The following SMG6 variants were observed in gnomAD, a reference collection of about 807,000 sequenced individuals.
SMG6 encodes the protein telomerase-binding protein EST1A.
A neutral mutation model predicts 142.2 loss-of-function variants in SMG6; 66 were observed. That is an observed-to-expected ratio of 0.46 (90% CI 0.38 to 0.57). The LOEUF (loss-of-function observed/expected upper bound fraction) is 0.57, where lower values mean the gene tolerates loss of function less well. Ranked by LOEUF, SMG6 falls within the 20% of genes least tolerant of loss-of-function variation. The probability of loss-of-function intolerance (pLI) is 0.00; values close to 1 mark genes in which losing one functional copy is unlikely to be tolerated. For synonymous variants in SMG6, 779 were observed against 702.4 expected, an observed-to-expected ratio of 1.11 and a Z score of -1.72; for missense variants, 1,793 against 1,832.0, an observed-to-expected ratio of 0.98 and a Z score of 0.39.
intron 12 of SMG6, among the ~76,000 whole-genome samples, chr17:2,182,198 T>C (rs1424229555): frequency 6.6e-6 from 1 of 152,208 alleles, no homozygotes; most frequent in Non-Finnish European, 1.5e-5. Flanking sequence ...AACTGCAAAC[T>C]GCCTAGTCCT....
At chr17:2,176,461 T>A (rs2071654857) in intron 12 of SMG6, among the ~76,000 whole-genome samples, 1 of 152,186 alleles carries the variant, frequency 6.6e-6, no homozygotes, top group Admixed American at 6.5e-5. Context: ...ATGGACCCTC[T>A]AGAGTGCTGT....
At chr17:2,061,689 A>T (rs1597310745) in intron 18 of SMG6, 67 bp from the exon 19 acceptor site, 1 of 1,513,886 alleles carries the variant, frequency 6.6e-7, no homozygotes. Flanking sequence ...TGCTCTTCTC[A>T]CCCTGGAGAA....
At chr17:2,229,216 G>T (rs1055786496) in intron 10 of SMG6, 1 of 152,174 alleles carries the variant, frequency 6.6e-6, no homozygotes. Context: ...ATGAACTCCA[G>T]ACAGCCCTGA....
Position 2,299,043 on chromosome 17 carries a change from C to T in SMG6, c.1710G>A (p.Glu570=), listed in dbSNP as rs1216768614. The change falls in exon 2 of 19, where the codon GAG becomes GAA. Residue 570 remains glutamate (E), a synonymous_variant. Coordinates refer to ENST00000263073, the MANE Select transcript of SMG6 (RefSeq NM_017575.5). This position sits in a 1 kb window ranked among gnomAD's most constrained non-coding sequence, Gnocchi z 4.3. ...PTSTMSPEEV[E]QHMRNLQQQE... is the part of the protein sequence containing the mutation. The stretch of plus-strand genomic sequence containing the variant: ...GTTGCTGCAGGTTCCTCATGTGCTG[C>T]TCTACCTCCTCGGGACTCATGGTGC... 1 of 1,614,186 alleles carries T rather than the reference C, an allele frequency of 6.2e-7. No homozygotes were observed. The highest frequency in any genetic ancestry group is 2.2e-5 in the East Asian group (1 of 44,880).
Position 2,085,040 on chromosome 17 carries a change from T to C in SMG6, c.3534+685A>G, listed in dbSNP as rs1469519490. Among the ~76,000 whole-genome samples the C allele has an allele frequency of 3.3e-5, 5 of 151,718 alleles. No individual in the cohort carries two copies. The highest frequency in any genetic ancestry group is 7.4e-5 in the Non-Finnish European group (5 of 67,954). ...ACAATCACTCCCAGAAAGACACAAA[T>C]AGGCAATGGCAATATATAGGGCAGG... is the stretch of plus-strand genomic sequence containing the variant. On this transcript the variant is annotated intron_variant, in intron 14 of 18. Coordinates refer to ENST00000263073, the MANE Select transcript of SMG6 (RefSeq NM_017575.5). The surrounding 1 kb of genome is among the most constrained non-coding windows in gnomAD (Gnocchi z 4.1).
chr17:2,124,001 G>C (rs1399769405), intron 13 of SMG6, among the ~76,000 whole-genome samples: 1 of 152,202 alleles, frequency 6.6e-6, no homozygotes, highest in Non-Finnish European at 1.5e-5. Flanking sequence ...CAGCACTGAA[G>C]GCCAGACATT....
intron 13 of SMG6, among the ~76,000 whole-genome samples, chr17:2,157,627 A>C (rs1257867668): frequency 6.6e-6 from 1 of 152,192 alleles, no homozygotes; most frequent in African/African-American, 2.4e-5. Context: ...TGCCAAAACC[A>C]ATCCTGTCTA....
intron 8 of SMG6, among the ~76,000 whole-genome samples, chr17:2,256,884 A>G (rs2074193563): frequency 6.6e-6 from 1 of 151,612 alleles, no homozygotes; most frequent in Non-Finnish European, 1.5e-5. Flanking sequence ...AAGAGCATAC[A>G]CATCACTATC....
At chr17:2,130,210 A>C (rs990155407) in intron 13 of SMG6, among the ~76,000 whole-genome samples, 1 of 134,192 alleles carries the variant, frequency 7.5e-6, no homozygotes, top group Non-Finnish European at 1.5e-5. Context: ...CAGTGAGCCG[A>C]GATTGCGCCA....
chr17:2,166,904 C>A (rs982613639), intron 13 of SMG6, among the ~76,000 whole-genome samples: 1 of 152,188 alleles, frequency 6.6e-6, no homozygotes. Context: ...GCGGGCAGAT[C>A]ACCTTGAGGT....
chr17:2,293,003 G>T, intron 4 of SMG6, 26 bp from the exon 5 acceptor site: 1 of 1,521,172 alleles, frequency 6.6e-7, no homozygotes, highest in Non-Finnish European at 9.1e-7. Context: ...CCAGTTAGTA[G>T]AAAAGCCAAG....
At chr17:2,192,228 C>T (rs777905457) in intron 10 of SMG6, among the ~76,000 whole-genome samples, 5 of 152,240 alleles carry the variant, frequency 3.3e-5, no homozygotes, top group Non-Finnish European at 5.9e-5. Context: ...AGAACCACTG[C>T]TTCTGATCAA....
intron 12 of SMG6, among the ~76,000 whole-genome samples, chr17:2,185,112 T>C (rs144607926): frequency 2.9e-4 from 44 of 150,900 alleles, no homozygotes; most frequent in Admixed American, 4.6e-4. Context: ...CAAACAGGTA[T>C]AGACACAAAT....
intron 13 of SMG6, among the ~76,000 whole-genome samples, chr17:2,121,583 C>CTGTGTGTGTGTGTGTGTGTG (rs1173330822): frequency 3.4e-5 from 4 of 118,294 alleles, no homozygotes; most frequent in South Asian, 5.8e-4. Flanking sequence ...ATGTACATGT[C>CTGTGTGTGTGTGTGTGTGTG]TGTCTGTGTG....
chr17:2,199,886 A>G (rs1182910910), intron 10 of SMG6: 2 of 151,224 alleles, frequency 1.3e-5, no homozygotes, highest in African/African-American at 4.9e-5. Flanking sequence ...CAGCTTGGGT[A>G]AGAGAGCACG....
intron 10 of SMG6, among the ~76,000 whole-genome samples, chr17:2,203,285 A>G (rs563465171): frequency 6.4e-4 from 98 of 152,298 alleles, no homozygotes; most frequent in African/African-American, 2.2e-3. Flanking sequence ...AGAGTTATTC[A>G]ATACACATCC....
Position 2,061,362 on chromosome 17 carries a change from G to T in SMG6, c.*130C>A. 1.1e-6 allele frequency: 1 copy of T among 924,974 alleles called. No individual in the cohort carries two copies. 57.3% of individuals were successfully genotyped at this position (924,974 alleles called of 1,614,324 possible). Reference sequence around the variant, plus strand: ...CCCCCACAGCATGGCCGTGGCGTGGGTTGGAAGAGGATGGTTTATTGTCTG... The same window carrying T: ...CCCCCACAGCATGGCCGTGGCGTGGTTTGGAAGAGGATGGTTTATTGTCTG... On this transcript the variant is annotated 3_prime_UTR_variant, in exon 19 of 19. Transcript: ENST00000263073.
intron 10 of SMG6, chr17:2,235,703 T>C (rs2073631876): frequency 1.3e-5 from 2 of 152,550 alleles, no homozygotes. Context: ...GAAAATAATG[T>C]CATCCCTGTA....
intron 10 of SMG6, among the ~76,000 whole-genome samples, chr17:2,232,249 A>G: frequency 6.6e-6 from 1 of 152,314 alleles, no homozygotes; most frequent in South Asian, 2.1e-4. Context: ...TTTAAAAATT[A>G]AAATTCTTGG....
Sources: gnomAD v4.1 joint callset for allele counts (sites outside exome capture counted in the v4.1 genomes callset) on GRCh38, gnomAD v4.1.1 for gene constraint, Gnocchi (gnomAD v3.1) non-coding constraint, MANE v1.5 for transcripts, NCBI Gene and HGNC (gene_info 2026-07-23, HGNC 2026-07-21) for gene names.